TMEM68: variants seen among roughly 807,000 people sequenced by gnomAD.
TMEM68 encodes DGAT1/2-independent enzyme synthesizing storage lipids.
TMEM68 carries 25 observed loss-of-function variants against 36.9 expected under a neutral mutation model. The ratio of observed to expected loss-of-function variants is 0.68; its 90% CI spans 0.49 to 0.95. TMEM68 has a LOEUF of 0.95. TMEM68 is among the 40% of genes least tolerant of loss of function. The pLI is 0.00. For missense variants in TMEM68, 333 were observed against 392.0 expected, an observed-to-expected ratio of 0.85 and a Z score of 1.27; for synonymous variants, 131 against 124.4, an observed-to-expected ratio of 1.05 and a Z score of -0.35.
chr8:55,747,074 G>A (rs114151172), intron 5 of TMEM68: 1,886 of 152,400 alleles, frequency 0.012, 36 homozygotes, highest in African/African-American at 0.044. Context: ...GAAAAGAAGC[G>A]CAGTCAGGGC....
At chr8:55,762,247 T>G (rs1810817036) in intron 3 of TMEM68, 1 of 198,546 alleles carries the variant, frequency 5.0e-6, no homozygotes, top group Non-Finnish European at 1.0e-5. Context: ...ATTTAATATT[T>G]CATTTTTTTA....
At chr8:55,742,594 C>T (rs1358536757) in intron 7 of TMEM68, among the ~76,000 whole-genome samples, 1 of 152,010 alleles carries the variant, frequency 6.6e-6, no homozygotes, top group African/African-American at 2.4e-5. Flanking sequence ...GGCTGGAGTG[C>T]AGTGGCACAA....
intron 7 of TMEM68, among the ~76,000 whole-genome samples, chr8:55,741,597 G>A (rs1810104424): frequency 6.6e-6 from 1 of 152,154 alleles, no homozygotes; most frequent in Non-Finnish European, 1.5e-5. Context: ...TCAGACCTGA[G>A]AGCCCACTGG....
At chr8:55,769,472 T>C (rs1811085097) in intron 1 of TMEM68, among the ~76,000 whole-genome samples, 1 of 152,038 alleles carries the variant, frequency 6.6e-6, no homozygotes, top group Admixed American at 6.6e-5. Flanking sequence ...CAGGATACAA[T>C]GTACAAGTGG....
chr8:55,746,328 A>AAAAG (rs10657094), intron 5 of TMEM68: 2 of 150,030 alleles, frequency 1.3e-5, no homozygotes, highest in African/African-American at 2.4e-5. Flanking sequence ...AAAAAAAAAA[A>AAAAG]AAAAAAAAAA....
intron 1 of TMEM68, among the ~76,000 whole-genome samples, chr8:55,766,368 G>A (rs1240470162): frequency 6.8e-6 from 1 of 147,762 alleles, no homozygotes; most frequent in Non-Finnish European, 1.5e-5. Flanking sequence ...AGCTTTCTAT[G>A]CACGCTTTTT....
chr8:55,752,080 G>A (rs796525440), intron 4 of TMEM68, among the ~76,000 whole-genome samples: 6 of 151,608 alleles, frequency 4.0e-5, no homozygotes, highest in African/African-American at 1.2e-4. Context: ...ATGGTGGCAC[G>A]TGCCTGTAAT....
Position 55,756,312 on chromosome 8 carries a change from G to C in TMEM68, c.425C>G (p.Ala142Gly). 1 of 1,605,836 alleles carries C rather than the reference G, an allele frequency of 6.2e-7. No individual in the cohort carries two copies. Among genetic ancestry groups the C allele is most frequent in the Non-Finnish European group, 8.5e-7 (1 of 1,177,356 alleles). The change falls in exon 4 of 8, where the codon GCT (alanine) becomes GGT (glycine). Residue 142 changes from alanine to glycine, a missense_variant. Ala to Gly is a moderately conservative substitution (Grantham distance 60, BLOSUM62 0). Transcript: ENST00000434581. ...AIPIDFYYFM[A>G]KIFIHKGRTC... ...TCTGCCTTTGTGTATAAATATTTTAGCCATGAAATAGTAAAAATCTATAGG... is the reference window on the plus strand; with the variant it reads ...TCTGCCTTTGTGTATAAATATTTTACCCATGAAATAGTAAAAATCTATAGG...
At chr8:55,766,001 A>AG (rs1433169220) in intron 1 of TMEM68, among the ~76,000 whole-genome samples, 6 of 152,310 alleles carry the variant, frequency 3.9e-5, no homozygotes, top group African/African-American at 1.2e-4. Context: ...TACATCCTAG[A>AG]GGGGGAAGAT....
rs184245009 is a variant in TMEM68, at chr8:55,754,500, C to T, written c.493+1744G>A. Among the ~76,000 whole-genome samples, 45 of 140,266 alleles carry T rather than the reference C, an allele frequency of 3.2e-4. 1 individual carries two copies. The East Asian group carries it at 8.1e-3, about 25-fold the overall frequency. The allele number at this position is 140,266 out of a possible 152,430, so 92.0% of individuals were successfully genotyped here. ...ACACACACACACACACACATACATACACACACACACGTGTATATATATATT... is the reference window on the plus strand; with the variant it reads ...ACACACACACACACACACATACATATACACACACACGTGTATATATATATT... On this transcript the variant is annotated intron_variant, in intron 4 of 7. Coordinates refer to ENST00000434581, the MANE Select transcript of TMEM68 (RefSeq NM_001286657.2).
At chr8:55,744,250 C>A in intron 6 of TMEM68, among the ~76,000 whole-genome samples, 1 of 43,474 alleles carries the variant, frequency 2.3e-5, no homozygotes, top group Non-Finnish European at 4.7e-5. Flanking sequence ...TGAAATTTAC[C>A]AGGATTAAAT....
intron 5 of TMEM68, chr8:55,746,763 A>G (rs1269341955): frequency 6.6e-6 from 1 of 152,172 alleles, no homozygotes; most frequent in Non-Finnish European, 1.5e-5. Flanking sequence ...CCTTCATAAA[A>G]CCTACTACTT....
At chr8:55,754,765 CATTATATATTTAT>C (rs1175056901) in intron 4 of TMEM68, among the ~76,000 whole-genome samples, 1 of 37,322 alleles carries the variant, frequency 2.7e-5, no homozygotes, top group Non-Finnish European at 5.4e-5. Flanking sequence ...AAAATACATA[CATTATATATTTAT>C]ATTATATATA....
Position 55,756,310 on chromosome 8 carries a change from T to C in TMEM68, c.427A>G (p.Lys143Glu). Residue 143 changes from lysine to glutamate, a missense_variant, in exon 4 of 8, where the codon AAA becomes GAA. Physicochemically the swap from Lys to Glu is moderately conservative, Grantham distance 56. Coordinates refer to ENST00000434581, the MANE Select transcript of TMEM68 (RefSeq NM_001286657.2). ...IPIDFYYFMAKIFIHKGRTCR... is the reference protein window; with the variant it reads ...IPIDFYYFMAEIFIHKGRTCR... The stretch of plus-strand genomic sequence containing the variant: ...GTTCTGCCTTTGTGTATAAATATTT[T>C]AGCCATGAAATAGTAAAAATCTATA... The C allele has an allele frequency of 6.2e-7, 1 of 1,607,908 alleles. No individual in the cohort carries two copies.
At chr8:55,745,546 A>G (rs1585707540) in intron 5 of TMEM68, 2 of 152,434 alleles carry the variant, frequency 1.3e-5, no homozygotes, top group East Asian at 3.8e-4. Context: ...TTTTCCTAAC[A>G]TTTCACATAA....
intron 1 of TMEM68, among the ~76,000 whole-genome samples, chr8:55,769,753 C>T (rs568459048): frequency 6.6e-6 from 1 of 152,292 alleles, no homozygotes; most frequent in East Asian, 1.9e-4. Flanking sequence ...ATACCTCAGC[C>T]TCCCGTGTAG....
chr8:55,756,529 C>T (rs1213630695), intron 3 of TMEM68, 118 bp from the exon 4 acceptor site: 2 of 829,274 alleles, frequency 2.4e-6, no homozygotes, highest in Non-Finnish European at 3.6e-6. Context: ...TGGTTCTCTT[C>T]CCCTTTCCCC....
rs995568634 is a variant in TMEM68, at chr8:55,773,347, G to A, written c.-193C>T. The A allele has an allele frequency of 8.5e-6, 3 of 352,890 alleles. No homozygotes were observed. Among genetic ancestry groups the A allele is most frequent in the Admixed American group, 5.0e-5 (1 of 19,998 alleles). The allele number at this position is 352,890 out of a possible 1,614,324, so 21.9% of individuals were successfully genotyped here. A position where few individuals can be genotyped will look rare whatever the true frequency, so the allele number is the denominator to read the frequency against. On this transcript the variant is annotated 5_prime_UTR_variant, in exon 1 of 8. Coordinates refer to ENST00000434581, the MANE Select transcript of TMEM68 (RefSeq NM_001286657.2). ...GATTTGCACGGCGGATTCCTCCGAA[G>A]CAACCCGTGTGAAAGAAGCCAAGCG...
chr8:55,761,895 T>C (rs970490359), intron 3 of TMEM68: 1 of 152,188 alleles, frequency 6.6e-6, no homozygotes, highest in Non-Finnish European at 1.5e-5. Context: ...CCAATGTTTG[T>C]TACCTGCCTA....
Sources: gnomAD v4.1 joint callset for allele counts (sites outside exome capture counted in the v4.1 genomes callset) on GRCh38, gnomAD v4.1.1 for gene constraint, MANE v1.5 for transcripts, NCBI Gene and HGNC (gene_info 2026-07-23, HGNC 2026-07-21) for gene names.